ERBB4: variants seen among roughly 807,000 people sequenced by gnomAD.
The protein encoded by ERBB4 is erb-b2 receptor tyrosine kinase 4.
A neutral mutation model predicts 158.0 loss-of-function variants in ERBB4; 42 were observed. That is an observed-to-expected ratio of 0.27 (90% confidence interval 0.21 to 0.34). ERBB4 has a LOEUF of 0.34. Ranked by LOEUF, ERBB4 falls within the 10% of genes least tolerant of loss-of-function variation. The pLI, the probability that ERBB4 is intolerant of heterozygous loss-of-function variation, is 1.00. For missense variants in ERBB4, 1,333 were observed against 1,624.1 expected, an observed-to-expected ratio of 0.82 and a Z score of 3.08; for synonymous variants, 583 against 558.7, an observed-to-expected ratio of 1.04 and a Z score of -0.61.
chr2:211,583,776 C>A (rs1365075510), intron 19 of ERBB4, among the ~76,000 whole-genome samples: 1 of 151,004 alleles, frequency 6.6e-6, no homozygotes, highest in African/African-American at 2.4e-5. Context: ...ATAAAGAGGT[C>A]ACAGTAGTTA....
At chr2:212,042,471 G>A (rs1194475753) in intron 2 of ERBB4, among the ~76,000 whole-genome samples, 1 of 152,070 alleles carries the variant, frequency 6.6e-6, no homozygotes, top group East Asian at 1.9e-4. Flanking sequence ...ATGCACGATT[G>A]TGTAGCTAAA....
chr2:211,824,901 A>G (rs919404605), intron 3 of ERBB4, among the ~76,000 whole-genome samples: 3 of 151,996 alleles, frequency 2.0e-5, no homozygotes, highest in Non-Finnish European at 4.4e-5. Flanking sequence ...ATTTTTAGCA[A>G]GACACATATT....
chr2:211,546,249 A>T (rs2066936506), intron 20 of ERBB4, among the ~76,000 whole-genome samples: 1 of 152,154 alleles, frequency 6.6e-6, no homozygotes, highest in African/African-American at 2.4e-5. Context: ...ATGACTCTAT[A>T]TTCAAAATAT....
At chr2:211,884,946 A>G (rs963114394) in intron 3 of ERBB4, among the ~76,000 whole-genome samples, 3 of 152,186 alleles carry the variant, frequency 2.0e-5, no homozygotes, top group Non-Finnish European at 4.4e-5. Context: ...GAAAAATAAA[A>G]ATAGATATTT....
At chr2:211,451,426 T>C (rs1263875777) in intron 20 of ERBB4, among the ~76,000 whole-genome samples, 1 of 151,770 alleles carries the variant, frequency 6.6e-6, no homozygotes, top group Non-Finnish European at 1.5e-5. Context: ...TGTGAAAAAA[T>C]GAAGGGAGAC....
chr2:211,804,975 A>G (rs1209043180), intron 3 of ERBB4, among the ~76,000 whole-genome samples: 1 of 148,856 alleles, frequency 6.7e-6, no homozygotes, highest in Admixed American at 6.8e-5. Flanking sequence ...GCTGGAGTGC[A>G]ACGGCATGAT....
intron 1 of ERBB4, among the ~76,000 whole-genome samples, chr2:212,269,404 T>C (rs950031282): frequency 4.6e-5 from 7 of 151,778 alleles, no homozygotes; most frequent in African/African-American, 1.7e-4. Flanking sequence ...TACCCATGTG[T>C]GTTCATACTT....
At chr2:212,492,217 T>C (rs970167952) in intron 1 of ERBB4, among the ~76,000 whole-genome samples, 1 of 151,474 alleles carries the variant, frequency 6.6e-6, no homozygotes. Flanking sequence ...AGATTATCTA[T>C]ATCTTCACCA....
chr2:211,783,352 C>T (rs2076080610), intron 4 of ERBB4, among the ~76,000 whole-genome samples: 2 of 152,116 alleles, frequency 1.3e-5, no homozygotes, highest in Admixed American at 6.6e-5. Flanking sequence ...AATTGAATAC[C>T]CTTTATTTCT....
At chr2:212,034,797 T>C (rs759987759) in intron 2 of ERBB4, among the ~76,000 whole-genome samples, 7 of 152,138 alleles carry the variant, frequency 4.6e-5, no homozygotes, top group Non-Finnish European at 4.4e-5. Context: ...TTGGAAAAGA[T>C]CCACTGATTT....
intron 1 of ERBB4, among the ~76,000 whole-genome samples, chr2:212,191,800 T>C (rs1324364375): frequency 7.2e-6 from 1 of 138,182 alleles, no homozygotes; most frequent in African/African-American, 2.6e-5. Context: ...TTCTATATGT[T>C]ATATATAATA....
intron 3 of ERBB4, among the ~76,000 whole-genome samples, chr2:211,868,027 G>A (rs1319415137): frequency 6.6e-6 from 1 of 152,186 alleles, no homozygotes; most frequent in African/African-American, 2.4e-5. Context: ...TGAAGTTCCA[G>A]ATTCTACTAT....
chr2:212,079,477 A>T (rs906222312), intron 2 of ERBB4, among the ~76,000 whole-genome samples: 2 of 152,112 alleles, frequency 1.3e-5, no homozygotes, highest in Non-Finnish European at 2.9e-5. Flanking sequence ...GTTGTATAGA[A>T]TTTGCTGAAT....
chr2:212,517,273 T>C (rs976663798), intron 1 of ERBB4, among the ~76,000 whole-genome samples: 2 of 152,110 alleles, frequency 1.3e-5, no homozygotes, highest in Admixed American at 1.3e-4. Context: ...GATGATATTG[T>C]CTTATCCTGA....
intron 1 of ERBB4, among the ~76,000 whole-genome samples, chr2:212,439,500 A>G (rs2092208533): frequency 6.7e-6 from 1 of 150,024 alleles, no homozygotes; most frequent in South Asian, 2.1e-4. Flanking sequence ...TCTCCCCATG[A>G]AAAAAAAATC....
At chr2:211,401,728 AAGC>A (rs1414485840) in intron 25 of ERBB4, among the ~76,000 whole-genome samples, 1 of 152,062 alleles carries the variant, frequency 6.6e-6, no homozygotes, top group African/African-American at 2.4e-5. Flanking sequence ...CTTGGAAAGA[AAGC>A]AGCCAGGTTA....
intron 2 of ERBB4, among the ~76,000 whole-genome samples, chr2:212,010,898 G>C (rs1380862826): frequency 6.6e-6 from 1 of 152,054 alleles, no homozygotes; most frequent in Non-Finnish European, 1.5e-5. Flanking sequence ...AAAGATTTTA[G>C]CGATATCTCT....
chr2:211,981,260 G>C (rs1043090923), intron 2 of ERBB4, among the ~76,000 whole-genome samples: 13 of 151,974 alleles, frequency 8.6e-5, no homozygotes, highest in Non-Finnish European at 1.9e-4. Context: ...CTGGACCTGC[G>C]CACAGACTAA....
intron 14 of ERBB4, among the ~76,000 whole-genome samples, chr2:211,671,258 T>C (rs1408029762): frequency 6.6e-6 from 1 of 152,150 alleles, no homozygotes; most frequent in Non-Finnish European, 1.5e-5. Context: ...TTTTGAGAAA[T>C]AATTTTGAAT....
Sources: gnomAD v4.1 joint callset for allele counts (sites outside exome capture counted in the v4.1 genomes callset) on GRCh38, gnomAD v4.1.1 for gene constraint, MANE v1.5 for transcripts, NCBI Gene and HGNC (gene_info 2026-07-23, HGNC 2026-07-21) for gene names.